Variants in TNKS observed in about 807,000 individuals in gnomAD.
TNKS encodes the protein poly [ADP-ribose] polymerase tankyrase-1.
A neutral mutation model predicts 135.8 loss-of-function variants in TNKS; 72 were observed. The ratio of observed to expected loss-of-function variants is 0.53; its 90% CI spans 0.44 to 0.64. TNKS has a LOEUF of 0.64. Among genes scored for constraint, TNKS ranks in the 30% least tolerant of loss-of-function variants. The pLI is 0.00. For missense variants in TNKS, 1,769 were observed against 1,674.0 expected, an observed-to-expected ratio of 1.06 and a Z score of -0.99; for synonymous variants, 849 against 649.3, an observed-to-expected ratio of 1.31 and a Z score of -4.68.
chr8:9,576,434 C>G (rs1019747113), intron 1 of TNKS, among the ~76,000 whole-genome samples: 2 of 150,334 alleles, frequency 1.3e-5, no homozygotes, highest in Admixed American at 6.6e-5. Flanking sequence ...AGGAGAGAGA[C>G]AGCAGAAAGC....
intron 12 of TNKS, among the ~76,000 whole-genome samples, chr8:9,724,256 C>T (rs11989409): frequency 0.7 from 106,454 of 151,866 alleles, 37,856 homozygotes; most frequent in Admixed American, 0.8. Context: ...TCAAGCCCAG[C>T]TTGGGCAACA....
intron 2 of TNKS, among the ~76,000 whole-genome samples, chr8:9,596,289 G>A (rs1249337514): frequency 1.3e-5 from 2 of 152,110 alleles, no homozygotes; most frequent in Non-Finnish European, 2.9e-5. Context: ...TATATTATTA[G>A]AAGTATGGCT....
At chr8:9,604,540 C>A (rs965230775) in intron 2 of TNKS, among the ~76,000 whole-genome samples, 2 of 151,968 alleles carry the variant, frequency 1.3e-5, no homozygotes, top group Admixed American at 6.6e-5. Context: ...TTTCTTTCTT[C>A]AGTGTAGTTT....
chr8:9,687,203 A>C (rs1404665630), intron 5 of TNKS, among the ~76,000 whole-genome samples: 2 of 152,184 alleles, frequency 1.3e-5, no homozygotes, highest in African/African-American at 4.8e-5. Flanking sequence ...CCAGTTTTAA[A>C]TTTCCAACTT....
chr8:9,609,374 C>G (rs1799361326), intron 2 of TNKS, among the ~76,000 whole-genome samples: 2 of 152,174 alleles, frequency 1.3e-5, no homozygotes, highest in African/African-American at 2.4e-5. Context: ...CCCAAAGTTT[C>G]CAACCAGAGC....
At chr8:9,617,765 T>A (rs866746006) in intron 3 of TNKS, among the ~76,000 whole-genome samples, 6 of 152,326 alleles carry the variant, frequency 3.9e-5, no homozygotes, top group African/African-American at 1.4e-4. Context: ...AATATGTCAT[T>A]CTTTATTTTT....
At chr8:9,696,139 A>G (rs1027795262) in intron 5 of TNKS, among the ~76,000 whole-genome samples, 4 of 152,158 alleles carry the variant, frequency 2.6e-5, no homozygotes, top group Non-Finnish European at 5.9e-5. Context: ...CATGGGTGCT[A>G]TTTAAAGCTA....
intron 2 of TNKS, among the ~76,000 whole-genome samples, chr8:9,595,430 G>A (rs866612778): frequency 9.9e-5 from 15 of 152,138 alleles, no homozygotes; most frequent in South Asian, 2.1e-4. Context: ...TACTCTTAAC[G>A]TTGATGACTT....
At chr8:9,663,017 G>T (rs894871804) in intron 3 of TNKS, among the ~76,000 whole-genome samples, 2 of 152,210 alleles carry the variant, frequency 1.3e-5, no homozygotes, top group Non-Finnish European at 2.9e-5. Context: ...TAATCACAAG[G>T]ATTCTTTAAA....
At chr8:9,735,596 C>A in intron 17 of TNKS, 110 bp downstream of exon 17, 4 of 796,444 alleles carry the variant, frequency 5.0e-6, no homozygotes, top group East Asian at 2.5e-5. Context: ...GTCAGGAGGT[C>A]GAGACAATCC....
At position 9,751,684 on chromosome 8, in the gene TNKS, A is replaced by G. The variant is rs1403406675; in HGVS notation, c.2908A>G (p.Thr970Ala). ...ALPTCFKPQA[T>A]VVSASLISPA... ...ACCTACCTGTTTTAAACCTCAGGCT[A>G]CTGTAGTGAGTGCCTCTCTGATCTC... Residue 970 changes from threonine to alanine, a missense_variant, in exon 19 of 27, where the codon ACT becomes GCT. This residue lies in a region of TNKS where 722 missense variants were observed against 688.9 expected (regional missense o/e 1.05). Transcript: ENST00000310430. 1 of 1,614,162 alleles carries G rather than the reference A, an allele frequency of 6.2e-7. No individual in the cohort carries two copies. Among genetic ancestry groups the G allele is most frequent in the Non-Finnish European group, 8.5e-7 (1 of 1,180,018 alleles).
At chr8:9,684,736 T>TCA (rs1802915379) in intron 5 of TNKS, among the ~76,000 whole-genome samples, 1 of 152,136 alleles carries the variant, frequency 6.6e-6, no homozygotes, top group South Asian at 2.1e-4. Flanking sequence ...TTTCATTCAT[T>TCA]CATTCCACCA....
At chr8:9,709,845 G>C (rs1433815497) in intron 9 of TNKS, 110 bp from the exon 10 acceptor site, 6 of 759,444 alleles carry the variant, frequency 7.9e-6, no homozygotes, top group Non-Finnish European at 1.3e-5. Context: ...CATATGTTCT[G>C]ATACTCTGAG....
chr8:9,560,325 T>C (rs1264712495), intron 1 of TNKS, among the ~76,000 whole-genome samples: 1 of 151,944 alleles, frequency 6.6e-6, no homozygotes, highest in Non-Finnish European at 1.5e-5. Context: ...AGTTAACATA[T>C]ACGACTTGGA....
At chr8:9,698,320 C>T (rs540508549) in intron 5 of TNKS, among the ~76,000 whole-genome samples, 1 of 139,954 alleles carries the variant, frequency 7.1e-6, no homozygotes, top group Non-Finnish European at 1.5e-5. Context: ...TGCAGTATAC[C>T]CATGTAACAA....
chr8:9,658,458 C>T lies in TNKS; in HGVS notation c.995-21493C>T, dbSNP rs1585289677. ...CGGCTGCCAAGAAAAGAATTTTCAA[C>T]CCAGAATTTCATATCCAGCCAAACT... is the stretch of plus-strand genomic sequence containing the variant. On this transcript the variant is annotated intron_variant, in intron 3 of 26. Transcript: ENST00000310430. 3 of 920,300 alleles carry T rather than the reference C, an allele frequency of 3.3e-6. No individual in the cohort carries two copies. In the East Asian group the frequency reaches 1.0e-4, roughly 31 times the overall value. The allele number at this position is 920,300 out of a possible 1,614,324, so 57.0% of individuals were successfully genotyped here. A position where few individuals can be genotyped will look rare whatever the true frequency, so the allele number is the denominator to read the frequency against.
chr8:9,741,443 C>G (rs748658054), intron 17 of TNKS, among the ~76,000 whole-genome samples: 6 of 151,982 alleles, frequency 3.9e-5, no homozygotes, highest in Non-Finnish European at 5.9e-5. Flanking sequence ...ACTCCATTAG[C>G]CTTCACCTTT....
chr8:9,655,722 C>A (rs1801335365), intron 3 of TNKS, among the ~76,000 whole-genome samples: 1 of 152,026 alleles, frequency 6.6e-6, no homozygotes, highest in Admixed American at 6.5e-5. Flanking sequence ...GAAAGGACAT[C>A]CACACCAAAA....
intron 3 of TNKS, among the ~76,000 whole-genome samples, chr8:9,661,129 A>C (rs1369946589): frequency 6.6e-6 from 1 of 152,040 alleles, no homozygotes; most frequent in African/African-American, 2.4e-5. Context: ...GGGTAGGAAG[A>C]ATCAATATCG....
Sources: gnomAD v4.1 joint callset for allele counts (sites outside exome capture counted in the v4.1 genomes callset) on GRCh38, gnomAD v4.1.1 for gene constraint, gnomAD v4.1.1 regional missense constraint, MANE v1.5 for transcripts, NCBI Gene and HGNC (gene_info 2026-07-23, HGNC 2026-07-21) for gene names.